APMAP: variants seen among roughly 807,000 people sequenced by gnomAD.
APMAP encodes adipocyte plasma membrane-associated protein.
In APMAP, 33 loss-of-function variants were observed where a neutral mutation model predicts 43.6. The observed-to-expected ratio is 0.76, with a 90% CI of 0.57 to 1.01. The LOEUF is 1.01. APMAP is among the 50% of genes least tolerant of loss of function. APMAP has a pLI of 0.00. For missense variants in APMAP, 498 were observed against 540.7 expected, an observed-to-expected ratio of 0.92 and a Z score of 0.78; for synonymous variants, 224 against 216.7, an observed-to-expected ratio of 1.03 and a Z score of -0.30.
In APMAP at chr20:24,992,570, G is replaced by A. The variant is rs114853410; in HGVS notation, c.95+24C>T. ...CCACTCCTAGCGGCCCGGCTCCAGC[G>A]CCCAGTCTGGGAGTCCGCCCTACCT... On this transcript the variant is annotated intron_variant, in intron 1 of 8. Coordinates refer to ENST00000217456, the MANE Select transcript of APMAP (RefSeq NM_020531.3). The A allele has an allele frequency of 9.4e-4, 1,378 of 1,473,442 alleles. 16 individuals are homozygous for A. In the African/African-American group the frequency reaches 0.018, roughly 19 times the overall value. 91.3% of individuals were successfully genotyped at this position (1,473,442 alleles called of 1,614,324 possible).
At chr20:24,991,692 T>C (rs1168790531) in intron 1 of APMAP, among the ~76,000 whole-genome samples, 2 of 152,198 alleles carry the variant, frequency 1.3e-5, no homozygotes, top group Non-Finnish European at 2.9e-5. Flanking sequence ...TATAAGTCAA[T>C]CAGTCCCACA....
At chr20:24,967,779 G>C (rs1045960085) in intron 8 of APMAP, among the ~76,000 whole-genome samples, 1 of 149,936 alleles carries the variant, frequency 6.7e-6, no homozygotes, top group Non-Finnish European at 1.5e-5. Context: ...CAAAACCCCT[G>C]TGCTAGCCCA....
chr20:24,991,878 G>A (rs1002005171), intron 1 of APMAP, among the ~76,000 whole-genome samples: 10 of 152,218 alleles, frequency 6.6e-5, no homozygotes, highest in Admixed American at 2.0e-4. Context: ...TGAAAGATGG[G>A]AGAGGAGGCA....
intron 1 of APMAP, among the ~76,000 whole-genome samples, chr20:24,988,393 ATAGT>A (rs1315059771): frequency 6.6e-6 from 1 of 152,206 alleles, no homozygotes; most frequent in Non-Finnish European, 1.5e-5. Flanking sequence ...CCTTCACACA[ATAGT>A]TAGAGGCTCA....
At chr20:24,992,106 T>A (rs940179117) in intron 1 of APMAP, among the ~76,000 whole-genome samples, 1 of 152,066 alleles carries the variant, frequency 6.6e-6, no homozygotes, top group African/African-American at 2.4e-5. Context: ...CTTCGCCGGA[T>A]AACGAGGCAG....
chr20:24,987,623 G>A (rs915655538), intron 1 of APMAP, among the ~76,000 whole-genome samples: 8 of 152,000 alleles, frequency 5.3e-5, no homozygotes, highest in Admixed American at 3.9e-4. Flanking sequence ...TATGTTATGC[G>A]AATTTCACCT....
chr20:24,985,455 C>G (rs1486997852), intron 1 of APMAP, among the ~76,000 whole-genome samples: 7 of 152,160 alleles, frequency 4.6e-5, no homozygotes, highest in Admixed American at 4.6e-4. Flanking sequence ...TCCCCAGAGC[C>G]TCCAGAAACA....
intron 1 of APMAP, among the ~76,000 whole-genome samples, chr20:24,986,231 C>T (rs1164160169): frequency 6.6e-6 from 1 of 152,210 alleles, no homozygotes; most frequent in Non-Finnish European, 1.5e-5. Flanking sequence ...CTAACTTCCT[C>T]CCCTTCACTC....
At chr20:24,969,479 G>T (rs573257929) in intron 7 of APMAP, 47 bp downstream of exon 7, 12 of 1,561,012 alleles carry the variant, frequency 7.7e-6, no homozygotes, top group Admixed American at 1.8e-5. Flanking sequence ...CCCCGGCCAT[G>T]ATGCGCTCTG....
intron 3 of APMAP, among the ~76,000 whole-genome samples, chr20:24,976,393 C>T (rs1568814660): frequency 6.6e-6 from 1 of 152,260 alleles, no homozygotes; most frequent in East Asian, 1.9e-4. Flanking sequence ...AAGGCCTGAA[C>T]AGACACATCA....
chr20:24,970,371 C>T lies in APMAP; in HGVS notation c.539G>A (p.Arg180His), dbSNP rs2087988510. The change falls in exon 6 of 9, where the codon CGT becomes CAT. Residue 180 changes from arginine (R) to histidine (H), a missense_variant and splice_region_variant. Physicochemically the swap from Arg to His is conservative, Grantham distance 29. Transcript: ENST00000217456. The stretch of plus-strand genomic sequence containing the variant: ...GGAGGACAGCAGCAGTTTCACTTCA[C>T]CTGAAGTTTAAAAAGAAAGAAAAAG... Reference protein sequence around the residue: ...KGLFEVNPWKREVKLLLSSET... With the variant: ...KGLFEVNPWKHEVKLLLSSET... 1.9e-6 allele frequency: 3 copies of T among 1,601,032 alleles called. No homozygotes were observed. The highest frequency in any genetic ancestry group is 2.2e-5 in the South Asian group (2 of 89,470).
At chr20:24,968,101 C>T (rs6050215) in intron 8 of APMAP, among the ~76,000 whole-genome samples, 149,857 of 152,378 alleles carry the variant, frequency 0.98, 73,691 homozygotes, top group East Asian at 1. Context: ...GCCTGTGACA[C>T]GGAGCTTGCT....
chr20:24,988,666 G>A (rs969430268), intron 1 of APMAP, among the ~76,000 whole-genome samples: 2 of 152,126 alleles, frequency 1.3e-5, no homozygotes, highest in African/African-American at 2.4e-5. Context: ...GTGGGCCTGC[G>A]AACTCTTTCA....
chr20:24,978,274 G>A (rs765694406), intron 3 of APMAP, among the ~76,000 whole-genome samples: 13 of 152,164 alleles, frequency 8.5e-5, no homozygotes, highest in Non-Finnish European at 1.5e-4. Flanking sequence ...CTGAGGCATG[G>A]GCAAGTGTGA....
intron 2 of APMAP, among the ~76,000 whole-genome samples, chr20:24,983,550 A>T (rs1232653356): frequency 6.6e-6 from 1 of 152,252 alleles, no homozygotes; most frequent in East Asian, 1.9e-4. Flanking sequence ...GTAGAAAATC[A>T]GTTACTTACA....
At position 24,963,395 on chromosome 20, in the gene APMAP, G is replaced by A. The variant is rs887612762; in HGVS notation, c.*418C>T. 3.5e-5 allele frequency: 7 copies of A among 199,668 alleles called. No individual in the cohort carries two copies. Among genetic ancestry groups the A allele is most frequent in the Admixed American group, 1.1e-4 (2 of 18,608 alleles). The allele number at this position is 199,668 out of a possible 1,614,324, so 12.4% of individuals were successfully genotyped here. A position where few individuals can be genotyped will look rare whatever the true frequency, so the allele number is the denominator to read the frequency against. On this transcript the variant is annotated 3_prime_UTR_variant, in exon 9 of 9. Coordinates refer to ENST00000217456, the MANE Select transcript of APMAP (RefSeq NM_020531.3). ...ACAACGAAGAAAGGTATGACCGCAC[G>A]TTATATATAGTAAAGAAGAACTTTG...
intron 3 of APMAP, among the ~76,000 whole-genome samples, chr20:24,976,514 G>T (rs1207199084): frequency 1.3e-5 from 2 of 152,094 alleles, no homozygotes; most frequent in Admixed American, 1.3e-4. Context: ...TATTAAAAGG[G>T]CCAAAATCCA....
Position 24,973,740 on chromosome 20 carries a change from G to C in APMAP, c.329-3C>G, listed in dbSNP as rs2088026586. ...TGCTGTCCCAGTAAACATCACATCT[G>C]TTTAAAAACACAAAAAGGAGGAAGA... On this transcript the variant is annotated splice_polypyrimidine_tract_variant and splice_region_variant and intron_variant, in intron 3 of 8. Coordinates refer to ENST00000217456, the MANE Select transcript of APMAP (RefSeq NM_020531.3). The C allele has an allele frequency of 1.2e-6, 2 of 1,613,084 alleles. No individual in the cohort carries two copies.
rs750247587 is a variant in APMAP, at chr20:24,978,749, AC to A, written c.328+17del. On this transcript the variant is annotated intron_variant, in intron 3 of 8. Coordinates refer to ENST00000217456, the MANE Select transcript of APMAP (RefSeq NM_020531.3). ...AGACAGCCTGGAAGGCTCCCCCCCCACCCAAGCTTAGACTTACCCCCAATAT... is the reference window on the plus strand; with the variant it reads ...AGACAGCCTGGAAGGCTCCCCCCCCACCAAGCTTAGACTTACCCCCAATAT... The A allele has an allele frequency of 8.2e-7, 1 of 1,213,278 alleles. No individual in the cohort carries two copies. Among genetic ancestry groups the A allele is most frequent in the Non-Finnish European group, 1.2e-6 (1 of 863,278 alleles). 75.2% of individuals were successfully genotyped at this position (1,213,278 alleles called of 1,614,324 possible).
Sources: allele counts gnomAD v4.1 joint callset (sites outside exome capture counted in the v4.1 genomes callset), GRCh38; gene constraint gnomAD v4.1.1; transcripts MANE v1.5; gene names NCBI Gene and HGNC (gene_info 2026-07-23, HGNC 2026-07-21).